Variants in ZFHX3 observed in about 807,000 individuals in gnomAD.
ZFHX3 encodes zinc finger homeobox 3.
ZFHX3 carries 42 observed loss-of-function variants against 279.1 expected under a neutral mutation model. That is an observed-to-expected ratio of 0.15 (90% CI 0.12 to 0.19). The LOEUF (loss-of-function observed/expected upper bound fraction) is 0.19. Among genes scored for constraint, ZFHX3 ranks in the 10% least tolerant of loss-of-function variants. The pLI, the probability that ZFHX3 is intolerant of heterozygous loss-of-function variation, is 1.00. For missense variants in ZFHX3, 4,981 were observed against 4,754.0 expected (o/e 1.05, Z -1.40); for synonymous variants, 2,293 against 1,957.8 (o/e 1.17, Z -4.52).
At chr16:72,949,914 T>TTC (rs1555532917) in intron 3 of ZFHX3, among the ~76,000 whole-genome samples, 3 of 144,278 alleles carry the variant, frequency 2.1e-5, no homozygotes, top group African/African-American at 7.6e-5. Context: ...TTCTTTTCTT[T>TTC]TTTTTTTTTT....
At chr16:73,584,694 T>C (rs536694606) in intron 2 of ZFHX3, among the ~76,000 whole-genome samples, 1 of 152,126 alleles carries the variant, frequency 6.6e-6, no homozygotes, top group South Asian at 2.1e-4. Flanking sequence ...GATTTTATGA[T>C]GAAATCGCCA....
At chr16:73,385,719 C>A (rs9928461) in intron 3 of ZFHX3, among the ~76,000 whole-genome samples, 4 of 151,948 alleles carry the variant, frequency 2.6e-5, no homozygotes, top group African/African-American at 9.7e-5. Flanking sequence ...AATGCCAGTG[C>A]CCCCCACTGC....
intron 2 of ZFHX3, among the ~76,000 whole-genome samples, chr16:73,516,716 C>T (rs1270986274): frequency 1.3e-5 from 2 of 152,132 alleles, no homozygotes; most frequent in South Asian, 4.1e-4. Flanking sequence ...ATCACATGAA[C>T]CCAGGAGTGC....
In ZFHX3 at chr16:73,352,809, C is replaced by T. The variant is rs573550153; in HGVS notation, c.-1290-34473G>A. 2.6e-5 allele frequency among the ~76,000 whole-genome samples: 4 copies of T among 152,254 alleles called. No individual in the cohort carries two copies. The East Asian group carries it at 7.7e-4, about 29-fold the overall frequency. On this transcript the variant is annotated intron_variant, in intron 3 of 17. Transcript: ENST00000641206. ...ACAAGGGGTGTCCAATAGAAACAGC[C>T]TTCCTGAAGCTTTTCTTCATATGGG...
At chr16:73,327,380 C>T (rs1375729834) in intron 3 of ZFHX3, among the ~76,000 whole-genome samples, 1 of 152,168 alleles carries the variant, frequency 6.6e-6, no homozygotes, top group Non-Finnish European at 1.5e-5. Flanking sequence ...CACTCCTACC[C>T]TTCAAAGAGT....
chr16:72,883,403 T>C (rs1297590362), intron 4 of ZFHX3, among the ~76,000 whole-genome samples: 3 of 152,144 alleles, frequency 2.0e-5, no homozygotes, highest in Admixed American at 6.5e-5. Context: ...AAAATCTCTA[T>C]CAACAAGCAC....
chr16:73,687,160 G>T (rs1427458379), intron 1 of ZFHX3, among the ~76,000 whole-genome samples: 14 of 148,414 alleles, frequency 9.4e-5, no homozygotes, highest in Admixed American at 4.0e-4. Context: ...AGGCAGAGGT[G>T]GGCAGATTGC....
chr16:73,476,693 T>C (rs925878329), intron 2 of ZFHX3, among the ~76,000 whole-genome samples: 1 of 152,212 alleles, frequency 6.6e-6, no homozygotes, highest in African/African-American at 2.4e-5. Flanking sequence ...TATATTGACA[T>C]TGCTTTTTAC....
intron 4 of ZFHX3, among the ~76,000 whole-genome samples, chr16:73,286,386 G>A (rs900502731): frequency 3.9e-5 from 6 of 152,328 alleles, no homozygotes; most frequent in Admixed American, 1.3e-4. Context: ...TTAGGGAAAT[G>A]GCTCTGTGAA....
chr16:73,723,116 C>T (rs1243109380), intron 1 of ZFHX3, among the ~76,000 whole-genome samples: 1 of 152,176 alleles, frequency 6.6e-6, no homozygotes. Flanking sequence ...AGACAGATTA[C>T]CTAACAATAT....
intron 3 of ZFHX3, among the ~76,000 whole-genome samples, chr16:73,418,380 G>A (rs1357063243): frequency 1.3e-5 from 2 of 152,204 alleles, no homozygotes; most frequent in African/African-American, 2.4e-5. Context: ...CCTGGAATAG[G>A]GAGTCCCCCT....
intron 7 of ZFHX3, among the ~76,000 whole-genome samples, chr16:73,111,545 GT>G (rs1042553129): frequency 2.1e-5 from 3 of 141,234 alleles, no homozygotes; most frequent in African/African-American, 7.6e-5. Flanking sequence ...AAGCTTTGCT[GT>G]TTATCCTAAG....
intron 3 of ZFHX3, among the ~76,000 whole-genome samples, chr16:72,906,571 C>T (rs1321563558): frequency 2.0e-5 from 3 of 152,008 alleles, no homozygotes; most frequent in Admixed American, 6.6e-5. Flanking sequence ...CCGAGGCAGG[C>T]GGATCACCTG....
At chr16:73,351,703 C>T (rs77021553) in intron 3 of ZFHX3, among the ~76,000 whole-genome samples, 4,410 of 152,220 alleles carry the variant, frequency 0.029, 99 homozygotes, top group African/African-American at 0.061. Context: ...CCTTTTAAAA[C>T]GCTTCAATGT....
chr16:73,479,356 C>T (rs1035252560), intron 2 of ZFHX3, among the ~76,000 whole-genome samples: 2 of 152,192 alleles, frequency 1.3e-5, no homozygotes, highest in Non-Finnish European at 2.9e-5. Context: ...CCACTCTGTC[C>T]TTGCACCCCA....
chr16:73,619,252 G>C (rs2052333993), intron 2 of ZFHX3, among the ~76,000 whole-genome samples: 1 of 152,026 alleles, frequency 6.6e-6, no homozygotes, highest in African/African-American at 2.4e-5. Context: ...ACTTCGGGAG[G>C]CTGAGGCAGG....
chr16:72,958,724 C>G lies in ZFHX3; in HGVS notation c.1422G>C (p.Glu474Asp). 1 of 1,613,502 alleles carries G rather than the reference C, an allele frequency of 6.2e-7. No individual in the cohort carries two copies. ...CTTCCTCCTCCTCTTCTTCCTCCTC[C>G]TCCTCCGCCTCTTCCTCCTCCTCTT... ...EEEEEEEEAEEEEEEEEEEEE... is the reference protein window; with the variant it reads ...EEEEEEEEAEDEEEEEEEEEE... Residue 474 changes from glutamate (E) to aspartate (D), a missense_variant, in exon 2 of 10, where the codon GAG becomes GAC. Around this residue, in one of 7 missense-constraint regions of ZFHX3, gnomAD observed 1,068 missense variants for 935.2 expected, o/e 1.14. Transcript: ENST00000268489.
At chr16:73,188,933 G>A (rs1479647331) in intron 5 of ZFHX3, among the ~76,000 whole-genome samples, 1 of 149,846 alleles carries the variant, frequency 6.7e-6, no homozygotes, top group Non-Finnish European at 1.5e-5. Context: ...GCGTGGTCTT[G>A]GCTCACTACA....
At chr16:73,513,455 A>G (rs1226283605) in intron 2 of ZFHX3, among the ~76,000 whole-genome samples, 1 of 152,180 alleles carries the variant, frequency 6.6e-6, no homozygotes, top group Non-Finnish European at 1.5e-5. Context: ...AGGTAGGAGC[A>G]TTTTCCTATG....
Sources: gnomAD v4.1 joint callset for allele counts (sites outside exome capture counted in the v4.1 genomes callset) on GRCh38, gnomAD v4.1.1 for gene constraint, gnomAD v4.1.1 regional missense constraint, MANE v1.5 for transcripts, NCBI Gene and HGNC (gene_info 2026-07-23, HGNC 2026-07-21) for gene names.